Variants in TAFA4 observed in about 807,000 individuals in gnomAD.
TAFA4 encodes the protein TAFA chemokine like family member 4.
In TAFA4, 20 loss-of-function variants were observed where a neutral mutation model predicts 21.1. The observed-to-expected ratio is 0.95, with a 90% CI of 0.67 to 1.38. TAFA4 has a LOEUF of 1.38. Ranked by LOEUF, TAFA4 falls within the 40% of genes most tolerant of loss-of-function variation. The pLI is 0.00. For missense variants in TAFA4, 211 were observed against 180.9 expected, an observed-to-expected ratio of 1.17 and a Z score of -0.95; for synonymous variants, 71 against 67.4, an observed-to-expected ratio of 1.05 and a Z score of -0.26.
intron 3 of TAFA4, among the ~76,000 whole-genome samples, chr3:68,877,308 G>A (rs1362832376): frequency 1.3e-5 from 2 of 152,136 alleles, no homozygotes; most frequent in Non-Finnish European, 1.5e-5. Flanking sequence ...GCAGTGAGCC[G>A]AGACTGCGCC....
chr3:68,805,477 A>T (rs905934613), intron 3 of TAFA4, among the ~76,000 whole-genome samples: 3 of 152,204 alleles, frequency 2.0e-5, no homozygotes, highest in African/African-American at 7.2e-5. Flanking sequence ...GGACTATAAA[A>T]TCATGCTGCT....
rs548818084 is a variant in TAFA4 at position 68,865,699 on chromosome 3, C to G, written c.130+15031G>C. On this transcript the variant is annotated intron_variant, in intron 3 of 5. Transcript: ENST00000295569. ...CTCAGTCTGGAATGCAGTGGCTATA[C>G]ATAGACATAATCATAGTGTGCTGCT... is the stretch of plus-strand genomic sequence containing the variant. Among the ~76,000 whole-genome samples the G allele has an allele frequency of 4.6e-5, 7 of 152,194 alleles. No individual in the cohort carries two copies. The East Asian group carries it at 1.4e-3, about 30-fold the overall frequency.
chr3:68,910,272 G>T (rs1027245250), intron 1 of TAFA4, among the ~76,000 whole-genome samples: 1 of 152,180 alleles, frequency 6.6e-6, no homozygotes, highest in Non-Finnish European at 1.5e-5. Flanking sequence ...ACTCAGATGT[G>T]GGGATCATAG....
At chr3:68,891,125 G>T (rs969099709) in intron 1 of TAFA4, among the ~76,000 whole-genome samples, 1 of 152,080 alleles carries the variant, frequency 6.6e-6, no homozygotes, top group Non-Finnish European at 1.5e-5. Context: ...TCTCTAAAAC[G>T]TTTCAGTGAA....
chr3:68,732,415 T>C lies in TAFA4; in HGVS notation c.*727A>G, dbSNP rs903070442. On this transcript the variant is annotated 3_prime_UTR_variant, in exon 6 of 6. Coordinates refer to ENST00000295569, the MANE Select transcript of TAFA4 (RefSeq NM_182522.5). ...ATTCCAACAAGTTTTATAAATATGT[T>C]CTGATAGAGCTTTGGTTATAAAATA... The C allele has an allele frequency of 2.0e-5, 3 of 152,626 alleles. No individual in the cohort carries two copies. The highest frequency in any genetic ancestry group is 7.2e-5 in the African/African-American group (3 of 41,464). 9.5% of individuals were successfully genotyped at this position (152,626 alleles called of 1,614,324 possible).
chr3:68,868,582 A>T (rs564917117), intron 3 of TAFA4, among the ~76,000 whole-genome samples: 1 of 152,190 alleles, frequency 6.6e-6, no homozygotes, highest in East Asian at 1.9e-4. Flanking sequence ...TAAACGTAGA[A>T]ATCAGTAATA....
chr3:68,897,541 G>A (rs770659841), intron 1 of TAFA4, among the ~76,000 whole-genome samples: 5 of 151,678 alleles, frequency 3.3e-5, no homozygotes, highest in African/African-American at 4.8e-5. Flanking sequence ...CAGAAGAATC[G>A]CTTGAACCCG....
intron 3 of TAFA4, among the ~76,000 whole-genome samples, chr3:68,770,725 A>G (rs1223006187): frequency 6.6e-6 from 1 of 152,152 alleles, no homozygotes; most frequent in Admixed American, 6.5e-5. Flanking sequence ...TATAAAGAAA[A>G]TATTTTTTTG....
intron 3 of TAFA4, among the ~76,000 whole-genome samples, chr3:68,804,723 A>G (rs1465830666): frequency 1.3e-5 from 2 of 152,242 alleles, no homozygotes; most frequent in African/African-American, 4.8e-5. Context: ...TATTTAATAA[A>G]TGGTGCTGGG....
intron 3 of TAFA4, among the ~76,000 whole-genome samples, chr3:68,778,078 A>T (rs1448521445): frequency 6.6e-6 from 1 of 152,196 alleles, no homozygotes; most frequent in East Asian, 1.9e-4. Flanking sequence ...AATCATTTAC[A>T]CACACTAATT....
intron 2 of TAFA4, among the ~76,000 whole-genome samples, chr3:68,881,988 C>G (rs2089624021): frequency 6.6e-6 from 1 of 152,194 alleles, no homozygotes; most frequent in Non-Finnish European, 1.5e-5. Flanking sequence ...CATTCTCTCT[C>G]CGTGACCTCT....
intron 3 of TAFA4, among the ~76,000 whole-genome samples, chr3:68,774,972 A>G (rs183128170): frequency 3.0e-4 from 45 of 152,352 alleles, no homozygotes; most frequent in Middle Eastern, 3.4e-3. Flanking sequence ...TCATAACAAC[A>G]AAGGCTAGAT....
chr3:68,788,975 T>C (rs2106809578), intron 3 of TAFA4, among the ~76,000 whole-genome samples: 1 of 152,196 alleles, frequency 6.6e-6, no homozygotes, highest in East Asian at 1.9e-4. Flanking sequence ...GGCTCACGCC[T>C]GTAATCCCAG....
chr3:68,803,388 C>G (rs1224878944), intron 3 of TAFA4, among the ~76,000 whole-genome samples: 1 of 152,152 alleles, frequency 6.6e-6, no homozygotes, highest in Non-Finnish European at 1.5e-5. Flanking sequence ...AGTCCGACAT[C>G]CACTGGTCCT....
At chr3:68,917,948 C>T (rs746578626) in intron 1 of TAFA4, among the ~76,000 whole-genome samples, 4 of 151,896 alleles carry the variant, frequency 2.6e-5, no homozygotes, top group Non-Finnish European at 4.4e-5. Flanking sequence ...TGATAATGTG[C>T]GTTTATACAA....
chr3:68,819,873 C>G (rs370359600), intron 3 of TAFA4, among the ~76,000 whole-genome samples: 1 of 152,100 alleles, frequency 6.6e-6, no homozygotes, highest in Non-Finnish European at 1.5e-5. Flanking sequence ...GAAAACAGTA[C>G]GACATTCCTT....
At chr3:68,762,236 G>T (rs1343523033) in intron 3 of TAFA4, among the ~76,000 whole-genome samples, 1 of 151,936 alleles carries the variant, frequency 6.6e-6, no homozygotes, top group African/African-American at 2.4e-5. Context: ...AAGAATGGAG[G>T]TAAATCTTGA....
At chr3:68,779,465 G>A (rs558643181) in intron 3 of TAFA4, among the ~76,000 whole-genome samples, 5 of 152,216 alleles carry the variant, frequency 3.3e-5, no homozygotes, top group Admixed American at 2.6e-4. Flanking sequence ...GGAGGTTTAG[G>A]AGGAAAAAAT....
At chr3:68,843,080 T>C (rs1014056169) in intron 3 of TAFA4, among the ~76,000 whole-genome samples, 3 of 152,166 alleles carry the variant, frequency 2.0e-5, no homozygotes, top group African/African-American at 7.2e-5. Flanking sequence ...AGAAAGTCAA[T>C]GGTGGTTTGT....
Sources: allele counts gnomAD v4.1 joint callset (sites outside exome capture counted in the v4.1 genomes callset), GRCh38; gene constraint gnomAD v4.1.1; transcripts MANE v1.5; gene names NCBI Gene and HGNC (gene_info 2026-07-23, HGNC 2026-07-21).